Variants in KCNH8 observed in about 807,000 individuals in gnomAD.
The protein encoded by KCNH8 is potassium voltage-gated channel subfamily H member 8, also known as voltage-gated delayed rectifier potassium channel KCNH8.
Under a neutral mutation model 103.6 loss-of-function variants are expected in KCNH8, and 70 were observed. The ratio of observed to expected loss-of-function variants is 0.68; its 90% CI spans 0.56 to 0.82. The LOEUF (loss-of-function observed/expected upper bound fraction) is 0.82. KCNH8 is among the 40% of genes least tolerant of loss of function. KCNH8 has a pLI of 0.00. For synonymous variants in KCNH8, 498 were observed against 489.4 expected (o/e 1.02, Z -0.23); for missense variants, 1,217 against 1,329.9 (o/e 0.92, Z 1.32).
chr3:19,459,140 T>A (rs1301352335), intron 11 of KCNH8, among the ~76,000 whole-genome samples: 1 of 152,000 alleles, frequency 6.6e-6, no homozygotes, highest in Non-Finnish European at 1.5e-5. Flanking sequence ...GATCATATGG[T>A]ACTTCTATTT....
intron 3 of KCNH8, among the ~76,000 whole-genome samples, chr3:19,320,041 G>C (rs188097058): frequency 4.7e-4 from 71 of 152,066 alleles, no homozygotes; most frequent in Non-Finnish European, 1.9e-4. Context: ...TCATTTACCT[G>C]TTCTGGGAGT....
intron 11 of KCNH8, among the ~76,000 whole-genome samples, chr3:19,499,550 G>T (rs1430429551): frequency 6.6e-6 from 1 of 152,154 alleles, no homozygotes; most frequent in African/African-American, 2.4e-5. Context: ...GAAAGGTCGG[G>T]TTACCCTCAA....
chr3:19,230,203 T>C (rs781766743), intron 1 of KCNH8, among the ~76,000 whole-genome samples: 6 of 152,188 alleles, frequency 3.9e-5, no homozygotes, highest in Admixed American at 2.0e-4. Context: ...GTGGGAATTA[T>C]AGGAGTACAG....
At chr3:19,189,515 T>G (rs1388047164) in intron 1 of KCNH8, among the ~76,000 whole-genome samples, 1 of 152,020 alleles carries the variant, frequency 6.6e-6, no homozygotes, top group African/African-American at 2.4e-5. Flanking sequence ...AATAATTAGT[T>G]TTTTGAAAGA....
intron 7 of KCNH8, among the ~76,000 whole-genome samples, chr3:19,408,301 G>A (rs999100380): frequency 2.6e-5 from 4 of 151,950 alleles, no homozygotes; most frequent in Non-Finnish European, 5.9e-5. Context: ...GGGTGGAAGG[G>A]GAAGGTAAAG....
At chr3:19,187,332 A>G (rs2125207012) in intron 1 of KCNH8, among the ~76,000 whole-genome samples, 1 of 152,094 alleles carries the variant, frequency 6.6e-6, no homozygotes, top group East Asian at 1.9e-4. Flanking sequence ...ATATATATAT[A>G]CTTGTGTACA....
intron 3 of KCNH8, among the ~76,000 whole-genome samples, chr3:19,341,611 C>G (rs1011134817): frequency 1.4e-4 from 22 of 152,098 alleles, no homozygotes; most frequent in African/African-American, 4.6e-4. Flanking sequence ...AGAGCTATTG[C>G]AAATAAATTT....
intron 5 of KCNH8, among the ~76,000 whole-genome samples, chr3:19,354,996 A>G (rs1315528830): frequency 1.1e-4 from 16 of 152,226 alleles, no homozygotes; most frequent in Non-Finnish European, 4.4e-5. Flanking sequence ...ACAAAGGGCT[A>G]ATATCCAGAA....
chr3:19,476,332 T>C (rs964542585), intron 11 of KCNH8, among the ~76,000 whole-genome samples: 1 of 152,208 alleles, frequency 6.6e-6, no homozygotes, highest in Non-Finnish European at 1.5e-5. Flanking sequence ...GGCAGCAAAT[T>C]AGGCATTTCG....
chr3:19,246,274 G>GTTTTTTTTTT (rs920423108), intron 1 of KCNH8, among the ~76,000 whole-genome samples: 56 of 86,328 alleles, frequency 6.5e-4, no homozygotes, highest in Non-Finnish European at 7.8e-4. Flanking sequence ...TGTTGTTGTT[G>GTTTTTTTTTT]TTTTTTTTTT....
At position 19,203,073 on chromosome 3, in the gene KCNH8, G is replaced by T. The variant is rs79419196; in HGVS notation, c.77-50581G>T. On this transcript the variant is annotated intron_variant, in intron 1 of 15. Transcript: ENST00000328405. ...TATTTGTATTTTGAATACGTAATAAGCTATAATTATTGTGAACAATGCATG... is the reference window on the plus strand; with the variant it reads ...TATTTGTATTTTGAATACGTAATAATCTATAATTATTGTGAACAATGCATG... Among the ~76,000 whole-genome samples, 1,169 of 152,212 alleles carry T rather than the reference G, an allele frequency of 7.7e-3. 14 individuals carry two copies. The highest frequency in any genetic ancestry group is 0.026 in the African/African-American group (1,077 of 41,534).
intron 3 of KCNH8, among the ~76,000 whole-genome samples, chr3:19,300,730 G>A (rs1257829856): frequency 6.6e-6 from 1 of 151,900 alleles, no homozygotes; most frequent in East Asian, 1.9e-4. Context: ...ATGACTTTTG[G>A]TTGATGGTTT....
At chr3:19,310,663 G>T (rs1478961093) in intron 3 of KCNH8, among the ~76,000 whole-genome samples, 1 of 140,516 alleles carries the variant, frequency 7.1e-6, no homozygotes, top group African/African-American at 2.7e-5. Flanking sequence ...TTGTTGGCAA[G>T]ATAGCTATTC....
chr3:19,381,635 G>C (rs1327725099), intron 5 of KCNH8, among the ~76,000 whole-genome samples: 3 of 151,824 alleles, frequency 2.0e-5, no homozygotes, highest in Non-Finnish European at 4.4e-5. Context: ...AGTTTGTGCT[G>C]AATGTTATTA....
intron 1 of KCNH8, among the ~76,000 whole-genome samples, chr3:19,201,265 AAAG>A (rs1427149213): frequency 1.2e-3 from 181 of 149,324 alleles, no homozygotes; most frequent in African/African-American, 4.1e-3. Context: ...AAAAAAAAGA[AAAG>A]AAAATTATAG....
At chr3:19,380,537 T>G (rs1439075391) in intron 5 of KCNH8, among the ~76,000 whole-genome samples, 1 of 152,232 alleles carries the variant, frequency 6.6e-6, no homozygotes, top group East Asian at 1.9e-4. Context: ...TTGGCTTTGG[T>G]GATCAAACTA....
chr3:19,355,851 A>G (rs1049142945), intron 5 of KCNH8, among the ~76,000 whole-genome samples: 18 of 151,592 alleles, frequency 1.2e-4, no homozygotes, highest in African/African-American at 4.1e-4. Context: ...CCTGCACATT[A>G]TGCACATGTA....
intron 1 of KCNH8, among the ~76,000 whole-genome samples, chr3:19,224,110 A>G (rs1388670177): frequency 4.6e-5 from 7 of 152,176 alleles, no homozygotes; most frequent in African/African-American, 1.7e-4. Flanking sequence ...ATTAATTGAC[A>G]TGGAGTGGTT....
Position 19,535,186 on chromosome 3 carries a change from G to A in KCNH8, c.*1087G>A, listed in dbSNP as rs1430322236. The A allele has an allele frequency of 6.6e-6, 1 of 152,170 alleles. No homozygotes were observed. The highest frequency in any genetic ancestry group is 6.5e-5 in the Admixed American group (1 of 15,270). The allele number at this position is 152,170 out of a possible 1,614,324, so 9.4% of individuals were successfully genotyped here. ...GAAAACCTGGGTGTGTCCTTTCCCA[G>A]TGCTTTTCTTTTACAAGAGGTAGTA... is the stretch of plus-strand genomic sequence containing the variant. On this transcript the variant is annotated 3_prime_UTR_variant, in exon 16 of 16. Coordinates refer to ENST00000328405, the MANE Select transcript of KCNH8 (RefSeq NM_144633.3).
Sources: allele counts gnomAD v4.1 joint callset (sites outside exome capture counted in the v4.1 genomes callset), GRCh38; gene constraint gnomAD v4.1.1; transcripts MANE v1.5; gene names NCBI Gene and HGNC (gene_info 2026-07-23, HGNC 2026-07-21).